The following KAZN variants were observed in gnomAD, a reference collection of about 807,000 sequenced individuals.
The protein encoded by KAZN is kazrin.
A neutral mutation model predicts 87.4 loss-of-function variants in KAZN; 40 were observed. The observed-to-expected ratio is 0.46, with a 90% CI of 0.36 to 0.60. The LOEUF (loss-of-function observed/expected upper bound fraction) is 0.60, where lower values mean the gene tolerates loss of function less well. KAZN is among the 20% of genes least tolerant of loss of function. The pLI is 0.00. For missense variants in KAZN, 898 were observed against 1,073.9 expected (o/e 0.84, Z 2.29); for synonymous variants, 466 against 458.3 (o/e 1.02, Z -0.22).
chr1:14,681,615 A>G (rs574880825), intron 1 of KAZN, among the ~76,000 whole-genome samples: 236 of 6,622 alleles, frequency 0.036, 3 homozygotes, highest in Non-Finnish European at 0.04. Context: ...GTATATGTGT[A>G]TATATATATA....
rs1661827452 is a variant in KAZN, at chr1:14,385,808, TTCTGTAGATG to T, written c.249+205220_249+205229del. 3.3e-5 allele frequency among the ~76,000 whole-genome samples: 5 copies of T among 149,360 alleles called. 1 individual carries two copies. In the South Asian group the frequency reaches 1.1e-3, roughly 33 times the overall value. ...TATTCTGTTGATTTGGGGTGGAGAG[TTCTGTAGATG>T]TCTATTAGGTCCGCTTGGTGCAGAG... is the stretch of plus-strand genomic sequence containing the variant. On this transcript the variant is annotated intron_variant, in intron 2 of 16. Coordinates refer to the KAZN transcript ENST00000636203.
intron 1 of KAZN, among the ~76,000 whole-genome samples, chr1:14,652,137 A>G (rs1190626176): frequency 1.3e-5 from 2 of 152,242 alleles, no homozygotes; most frequent in Non-Finnish European, 1.5e-5. Context: ...GCAGCAGAAG[A>G]CAAATTCTGT....
At chr1:14,583,291 G>A (rs1278052363) in intron 2 of KAZN, among the ~76,000 whole-genome samples, 1 of 152,198 alleles carries the variant, frequency 6.6e-6, no homozygotes, top group Non-Finnish European at 1.5e-5. Flanking sequence ...GCTTAGCAGA[G>A]GGTGGTGGAC....
intron 1 of KAZN, among the ~76,000 whole-genome samples, chr1:14,836,219 C>CAG (rs1307689984): frequency 1.3e-5 from 2 of 152,138 alleles, no homozygotes; most frequent in East Asian, 3.9e-4. Flanking sequence ...CTGGGCAGGA[C>CAG]AGAGAGAGGG....
chr1:14,480,355 A>G (rs1177357918), intron 2 of KAZN, among the ~76,000 whole-genome samples: 3 of 152,150 alleles, frequency 2.0e-5, no homozygotes, highest in Admixed American at 1.3e-4. Context: ...CTGCTCAGAG[A>G]TACTTTCTCT....
At chr1:14,536,102 C>G (rs980246165) in intron 2 of KAZN, among the ~76,000 whole-genome samples, 1 of 152,216 alleles carries the variant, frequency 6.6e-6, no homozygotes, top group African/African-American at 2.4e-5. Flanking sequence ...GGGTAACATG[C>G]AGGCTAGAGC....
At chr1:13,944,287 C>T (rs1641051666) in intron 1 of KAZN, among the ~76,000 whole-genome samples, 1 of 152,212 alleles carries the variant, frequency 6.6e-6, no homozygotes, top group African/African-American at 2.4e-5. Flanking sequence ...CAACCACACA[C>T]TGCGATTCCA....
chr1:14,392,688 G>A (rs575286138), intron 2 of KAZN, among the ~76,000 whole-genome samples: 20 of 152,180 alleles, frequency 1.3e-4, no homozygotes, highest in Admixed American at 7.2e-4. Flanking sequence ...AGCACACCTC[G>A]GTCATGACAA....
At chr1:14,481,955 C>T (rs1014358292) in intron 2 of KAZN, among the ~76,000 whole-genome samples, 1 of 152,188 alleles carries the variant, frequency 6.6e-6, no homozygotes, top group African/African-American at 2.4e-5. Context: ...AGTGTCCAGG[C>T]AGATGGGCCC....
chr1:14,813,544 A>G (rs1295796661), intron 1 of KAZN, among the ~76,000 whole-genome samples: 1 of 152,206 alleles, frequency 6.6e-6, no homozygotes, highest in African/African-American at 2.4e-5. Flanking sequence ...CCCCTCGGTT[A>G]ATGCCATGTG....
At chr1:14,452,486 G>A (rs915231340) in intron 2 of KAZN, among the ~76,000 whole-genome samples, 2 of 152,162 alleles carry the variant, frequency 1.3e-5, no homozygotes, top group Admixed American at 6.5e-5. Context: ...GGGCTGCAAG[G>A]ACAGGCAAAA....
intron 1 of KAZN, among the ~76,000 whole-genome samples, chr1:13,990,920 A>C (rs988689698): frequency 1.3e-5 from 2 of 152,222 alleles, no homozygotes. Flanking sequence ...TCATAATAAG[A>C]TATTAAGAAA....
At chr1:14,738,027 G>C (rs1290838295) in intron 1 of KAZN, among the ~76,000 whole-genome samples, 9 of 152,194 alleles carry the variant, frequency 5.9e-5, no homozygotes. Context: ...GGTACACCAG[G>C]AGAGGAAATC....
chr1:14,140,872 C>T (rs960929252), intron 1 of KAZN, among the ~76,000 whole-genome samples: 11 of 152,232 alleles, frequency 7.2e-5, no homozygotes, highest in African/African-American at 1.4e-4. Context: ...GGAAGAAAGA[C>T]GTCCTGTCTA....
At chr1:14,242,275 G>T (rs865838209) in intron 2 of KAZN, among the ~76,000 whole-genome samples, 1 of 152,136 alleles carries the variant, frequency 6.6e-6, no homozygotes, top group East Asian at 1.9e-4. Flanking sequence ...TACCGGTTGC[G>T]AAAGATTATA....
At chr1:14,691,322 G>T (rs1472228376) in intron 1 of KAZN, among the ~76,000 whole-genome samples, 1 of 152,124 alleles carries the variant, frequency 6.6e-6, no homozygotes, top group African/African-American at 2.4e-5. Flanking sequence ...TGTACACTAT[G>T]ATTCCACACA....
intron 8 of KAZN, among the ~76,000 whole-genome samples, chr1:15,080,750 G>C (rs567096218): frequency 6.6e-6 from 1 of 152,332 alleles, no homozygotes; most frequent in Admixed American, 6.5e-5. Context: ...AGGGCAGGGA[G>C]TGTTGACAGT....
At chr1:14,328,207 T>C (rs1351549904) in intron 2 of KAZN, among the ~76,000 whole-genome samples, 1 of 152,230 alleles carries the variant, frequency 6.6e-6, no homozygotes, top group African/African-American at 2.4e-5. Flanking sequence ...ATGTTCCTTC[T>C]CCTACCAATC....
chr1:14,390,524 G>A (rs1193038992), intron 2 of KAZN, among the ~76,000 whole-genome samples: 3 of 152,182 alleles, frequency 2.0e-5, no homozygotes, highest in African/African-American at 7.2e-5. Context: ...TTCCATGCAG[G>A]GAGAACAGCA....
Sources: gnomAD v4.1 joint callset for allele counts (sites outside exome capture counted in the v4.1 genomes callset) on GRCh38, gnomAD v4.1.1 for gene constraint, MANE v1.5 for transcripts, NCBI Gene and HGNC (gene_info 2026-07-23, HGNC 2026-07-21) for gene names.